SKA1: variants seen among roughly 807,000 people sequenced by gnomAD.
The protein encoded by SKA1 is spindle and kinetochore associated complex subunit 1, also known as SKA complex subunit 1.
In SKA1, 20 loss-of-function variants were observed where a neutral mutation model predicts 31.8. The ratio of observed to expected loss-of-function variants is 0.63; its 90% CI spans 0.44 to 0.91. SKA1 has a LOEUF of 0.91. Among genes scored for constraint, SKA1 ranks in the 40% least tolerant of loss-of-function variants. The pLI, the probability that SKA1 is intolerant of heterozygous loss-of-function variation, is 0.00. For synonymous variants in SKA1, 88 were observed against 100.5 expected (o/e 0.88, Z 0.74); for missense variants, 253 against 298.2 (o/e 0.85, Z 1.12).
intron 5 of SKA1, among the ~76,000 whole-genome samples, chr18:50,386,740 C>G (rs2041311681): frequency 6.6e-6 from 1 of 152,184 alleles, no homozygotes. Context: ...CTTTCTATCT[C>G]CCACTGAACC....
At chr18:50,380,081 C>T (rs772393052) in intron 2 of SKA1, 45 bp from the exon 3 acceptor site, 2 of 1,441,762 alleles carry the variant, frequency 1.4e-6, no homozygotes, top group Non-Finnish European at 1.8e-6. Flanking sequence ...ATAGCTACTG[C>T]TTTTCTATAC....
In SKA1 at chr18:50,393,353, G is replaced by A. The variant is rs2041375965; in HGVS notation, c.*1106G>A. The A allele has an allele frequency of 6.6e-6, 1 of 152,210 alleles. No individual in the cohort carries two copies. The highest frequency in any genetic ancestry group is 1.5e-5 in the Non-Finnish European group (1 of 68,050). 9.4% of individuals were successfully genotyped at this position (152,210 alleles called of 1,614,324 possible). ...ACTGGGTACAGATGTGATATTGGAAGAAAAAGATCAAGCTGATGAGGTTAG... is the reference window on the plus strand; with the variant it reads ...ACTGGGTACAGATGTGATATTGGAAAAAAAAGATCAAGCTGATGAGGTTAG... On this transcript the variant is annotated 3_prime_UTR_variant, in exon 7 of 7. Coordinates refer to ENST00000285116, the MANE Select transcript of SKA1 (RefSeq NM_145060.4).
At chr18:50,389,789 TGAGCTAATGTGAA>T (rs373764043) in intron 5 of SKA1, among the ~76,000 whole-genome samples, 1 of 152,246 alleles carries the variant, frequency 6.6e-6, no homozygotes, top group African/African-American at 2.4e-5. Flanking sequence ...GCTCATTGGC[TGAGCTAATGTGAA>T]GAGCTAATGT....
chr18:50,387,301 T>C (rs1021627888), intron 5 of SKA1, among the ~76,000 whole-genome samples: 3 of 152,264 alleles, frequency 2.0e-5, no homozygotes, highest in African/African-American at 7.2e-5. Flanking sequence ...TCCTCTGCTC[T>C]ACCAGCTGAG....
intron 1 of SKA1, 143 bp downstream of exon 1, chr18:50,375,337 T>A (rs1026494960): frequency 2.0e-5 from 3 of 152,456 alleles, no homozygotes; most frequent in Non-Finnish European, 4.4e-5. Flanking sequence ...CCCTTCTCTC[T>A]CACCGGCGGA....
At chr18:50,376,564 C>T (rs201862314) in intron 2 of SKA1, among the ~76,000 whole-genome samples, 3 of 124,028 alleles carry the variant, frequency 2.4e-5, no homozygotes, top group Non-Finnish European at 5.2e-5. Flanking sequence ...GAGACAGTGA[C>T]TGTGAGGGCC....
At position 50,384,893 on chromosome 18, in the gene SKA1, A is replaced by G. The variant is rs868293819; in HGVS notation, c.312-323A>G. On this transcript the variant is annotated intron_variant, in intron 4 of 6. Coordinates refer to ENST00000285116, the MANE Select transcript of SKA1 (RefSeq NM_145060.4). ...AATTAAAAAAAAAAAAAAAAAAAGG[A>G]AAAAAAAAAAAAAGAGAAGCTATTA... Among the ~76,000 whole-genome samples the G allele has an allele frequency of 5.2e-5, 6 of 115,088 alleles. 1 individual carries two copies. The highest frequency in any genetic ancestry group is 5.4e-4 in the East Asian group (2 of 3,682). The allele number at this position is 115,088 out of a possible 152,430, so 75.5% of individuals were successfully genotyped here.
In SKA1 at chr18:50,391,088, C is replaced by T. The variant is rs754520046; in HGVS notation, c.450-36C>T. 5.1e-6 allele frequency: 7 copies of T among 1,383,386 alleles called. No individual in the cohort carries two copies. In the South Asian group the frequency reaches 1.1e-4, roughly 22 times the overall value. The allele number at this position is 1,383,386 out of a possible 1,614,324, so 85.7% of individuals were successfully genotyped here. On this transcript the variant is annotated intron_variant, in intron 5 of 6. Coordinates refer to ENST00000285116, the MANE Select transcript of SKA1 (RefSeq NM_145060.4). ...AGGAAAGTAATTTTGTATGATGATT[C>T]TTTAAAACAATAATTAGCCATATAC... is the stretch of plus-strand genomic sequence containing the variant.
At chr18:50,378,302 G>A (rs963380277) in intron 2 of SKA1, among the ~76,000 whole-genome samples, 1 of 152,110 alleles carries the variant, frequency 6.6e-6, no homozygotes, top group African/African-American at 2.4e-5. Flanking sequence ...TGTATGGGGG[G>A]ATAATAATTT....
intron 5 of SKA1, among the ~76,000 whole-genome samples, chr18:50,385,815 G>C (rs1568330179): frequency 6.6e-6 from 1 of 152,300 alleles, no homozygotes; most frequent in Admixed American, 6.5e-5. Context: ...CCCCCAAAGA[G>C]GGGGGCGGGT....
chr18:50,375,887 T>G lies in SKA1; in HGVS notation c.57T>G (p.Asn19Lys). Residue 19 changes from asparagine to lysine, a missense_variant, in exon 2 of 7, where the codon AAT becomes AAG. Asn to Lys is a moderately conservative substitution (Grantham distance 94). Coordinates refer to ENST00000285116, the MANE Select transcript of SKA1 (RefSeq NM_145060.4). ...CTCATGTTAATGAAAAGATTGGCAA[T>G]ATTAAGAAAACCTTATCATTAAGAA... ...LCSHVNEKIG[N>K]IKKTLSLRNC... 2 of 1,610,132 alleles carry G rather than the reference T, an allele frequency of 1.2e-6. No homozygotes were observed. Among genetic ancestry groups the G allele is most frequent in the Non-Finnish European group, 1.7e-6 (2 of 1,177,966 alleles).
At chr18:50,384,870 T>TAAAAAAAAAAAAAAAAAAA (rs1568329774) in intron 4 of SKA1, among the ~76,000 whole-genome samples, 5 of 61,294 alleles carry the variant, frequency 8.2e-5, no homozygotes, top group African/African-American at 1.5e-4. Context: ...AAAAAAAAAA[T>TAAAAAAAAAAAAAAAAAAA]TAAAAAAAAA....
chr18:50,385,478 A>G, intron 5 of SKA1, 125 bp downstream of exon 5: 9 of 875,722 alleles, frequency 1.0e-5, no homozygotes, highest in Admixed American at 6.9e-5. Flanking sequence ...AAAAAGTTTC[A>G]CATTATACTA....
At chr18:50,376,817 T>C (rs1323005916) in intron 2 of SKA1, among the ~76,000 whole-genome samples, 1 of 147,896 alleles carries the variant, frequency 6.8e-6, no homozygotes, top group Non-Finnish European at 1.5e-5. Flanking sequence ...TTTCTATTTT[T>C]TTTTAACTTT....
Position 50,392,105 on chromosome 18 carries a change from A to G in SKA1, c.626A>G (p.Tyr209Cys). Reference sequence around the variant, plus strand: ...CTAATATCTTTATTTTTAGGTCGTTATTTTATAGTGGAAGCTGACATAAAG... The same window carrying G: ...CTAATATCTTTATTTTTAGGTCGTTGTTTTATAGTGGAAGCTGACATAAAG... ...DEETKDTKGRYFIVEADIKEF... is the reference protein window; with the variant it reads ...DEETKDTKGRCFIVEADIKEF... Residue 209 changes from tyrosine to cysteine, a missense_variant, in exon 7 of 7, where the codon TAT (tyrosine) becomes TGT (cysteine). Physicochemically the swap from Tyr to Cys is radical, Grantham distance 194. Transcript: ENST00000285116. 1.9e-6 allele frequency: 3 copies of G among 1,579,736 alleles called. No homozygotes were observed. Among genetic ancestry groups the G allele is most frequent in the Non-Finnish European group, 2.6e-6 (3 of 1,169,956 alleles).
Position 50,393,106 on chromosome 18 carries a change from A to G in SKA1, c.*859A>G, listed in dbSNP as rs1027696013. ...CTGAATACGCCTCTGTACTAGGCAC[A>G]TAATGGAACTAAAAAATGCTCATGT... On this transcript the variant is annotated 3_prime_UTR_variant, in exon 7 of 7. Transcript: ENST00000285116. 1 of 152,272 alleles carries G rather than the reference A, an allele frequency of 6.6e-6. No homozygotes were observed. Among genetic ancestry groups the G allele is most frequent in the East Asian group, 1.9e-4 (1 of 5,202 alleles). The allele number at this position is 152,272 out of a possible 1,614,324, so 9.4% of individuals were successfully genotyped here.
intron 2 of SKA1, among the ~76,000 whole-genome samples, chr18:50,377,878 T>G (rs2041232954): frequency 6.6e-6 from 1 of 151,504 alleles, no homozygotes; most frequent in South Asian, 2.1e-4. Context: ...ATTTTACAGT[T>G]TATGGTTCAC....
chr18:50,375,686 T>G (rs1038098334), intron 1 of SKA1, 134 bp from the exon 2 acceptor site: 1 of 601,920 alleles, frequency 1.7e-6, no homozygotes, highest in Non-Finnish European at 2.9e-6. Context: ...ATGAAAGAAA[T>G]TGCTCTTGAA....
Position 50,391,424 on chromosome 18 carries a change from A to C in SKA1, c.619+131A>C, listed in dbSNP as rs1222421818. ...CCCAACCAGGAGCAGTTATCCTACCAGGAGACATTTTACCATGTCTGGAGA... is the reference window on the plus strand; with the variant it reads ...CCCAACCAGGAGCAGTTATCCTACCCGGAGACATTTTACCATGTCTGGAGA... On this transcript the variant is annotated intron_variant, in intron 6 of 6. Coordinates refer to ENST00000285116, the MANE Select transcript of SKA1 (RefSeq NM_145060.4). 3.4e-5 allele frequency: 32 copies of C among 931,966 alleles called. No homozygotes were observed. The East Asian group carries it at 9.9e-4, about 29-fold the overall frequency. 57.7% of individuals were successfully genotyped at this position (931,966 alleles called of 1,614,324 possible).
Sources: allele counts gnomAD v4.1 joint callset (sites outside exome capture counted in the v4.1 genomes callset), GRCh38; gene constraint gnomAD v4.1.1; transcripts MANE v1.5; gene names NCBI Gene and HGNC (gene_info 2026-07-23, HGNC 2026-07-21).